The following TBC1D9B variants were observed in gnomAD, a reference collection of about 807,000 sequenced individuals.
TBC1D9B encodes TBC1 domain family member 9B.
In TBC1D9B, 87 loss-of-function variants were observed where a neutral mutation model predicts 121.1. That is an observed-to-expected ratio of 0.72 (90% CI 0.60 to 0.86). The LOEUF (loss-of-function observed/expected upper bound fraction) is 0.86, where lower values mean the gene tolerates loss of function less well. TBC1D9B is among the 40% of genes least tolerant of loss of function. The pLI is 0.00. For synonymous variants in TBC1D9B, 668 were observed against 670.1 expected (o/e 1.00, Z 0.05); for missense variants, 1,540 against 1,628.6 (o/e 0.95, Z 0.94).
At chr5:179,899,451 C>G (rs1761110219) in intron 2 of TBC1D9B, 144 bp from the exon 3 acceptor site, 2 of 694,044 alleles carry the variant, frequency 2.9e-6, no homozygotes, top group Non-Finnish European at 5.0e-6. Flanking sequence ...CCCTCTTAAG[C>G]TGATGGATAT....
chr5:179,889,065 T>C (rs1760781695), intron 6 of TBC1D9B, among the ~76,000 whole-genome samples: 1 of 151,680 alleles, frequency 6.6e-6, no homozygotes, highest in Non-Finnish European at 1.5e-5. Flanking sequence ...GGAGTCTCGC[T>C]GTCGCCCAGG....
chr5:179,889,202 T>C (rs1760786894), intron 6 of TBC1D9B, among the ~76,000 whole-genome samples: 4 of 152,070 alleles, frequency 2.6e-5, no homozygotes, highest in Admixed American at 2.6e-4. Flanking sequence ...GCTAATTTTT[T>C]GTATTTTTAG....
In TBC1D9B at chr5:179,870,649, G is replaced by A. The variant is rs1043980625; in HGVS notation, c.2485-154C>T. ...CCAGACACTGCAGCACCTCCCGAAAGCTCTCAGGCTGTCATCAGCCCCTTG... is the reference window on the plus strand; with the variant it reads ...CCAGACACTGCAGCACCTCCCGAAAACTCTCAGGCTGTCATCAGCCCCTTG... On this transcript the variant is annotated intron_variant, in intron 15 of 20. Transcript: ENST00000355235. 3.1e-5 allele frequency: 37 copies of A among 1,177,374 alleles called. No homozygotes were observed. The East Asian group carries it at 9.3e-4, about 30-fold the overall frequency. The allele number at this position is 1,177,374 out of a possible 1,614,324, so 72.9% of individuals were successfully genotyped here. A position where few individuals can be genotyped will look rare whatever the true frequency, so the allele number is the denominator to read the frequency against.
chr5:179,902,603 C>A lies in TBC1D9B; in HGVS notation c.229+2099G>T, dbSNP rs914614462. Among the ~76,000 whole-genome samples, 2 of 152,178 alleles carry A rather than the reference C, an allele frequency of 1.3e-5. No individual in the cohort carries two copies. Among genetic ancestry groups the A allele is most frequent in the Admixed American group, 1.3e-4 (2 of 15,290 alleles). On this transcript the variant is annotated intron_variant, in intron 2 of 20. Coordinates refer to ENST00000355235, the MANE Select transcript of TBC1D9B (RefSeq NM_015043.4). The surrounding 1 kb of genome is among the most constrained non-coding windows in gnomAD (Gnocchi z 4.9). ...TGCGTGGCTGTGGCTGGGCCCCTCC[C>A]CAGCACCAGGCCTGCTGTGACTAAA...
intron 8 of TBC1D9B, 150 bp from the exon 9 acceptor site, chr5:179,879,347 C>G (rs1760463064): frequency 7.8e-7 from 1 of 1,276,038 alleles, no homozygotes; most frequent in Non-Finnish European, 1.1e-6. Flanking sequence ...CCAGGCCGCG[C>G]TGAGCCACAC....
At chr5:179,868,078 C>T (rs1486349525) in intron 17 of TBC1D9B, 3 of 383,246 alleles carry the variant, frequency 7.8e-6, no homozygotes, top group African/African-American at 2.0e-5. Flanking sequence ...CACTTTATCA[C>T]CCATGCTGCA....
chr5:179,905,910 C>G (rs773299964), intron 1 of TBC1D9B, among the ~76,000 whole-genome samples: 11 of 152,180 alleles, frequency 7.2e-5, no homozygotes, highest in Non-Finnish European at 1.5e-4. Context: ...GAGATAGTCT[C>G]GCTCTGTCGC....
At chr5:179,901,971 A>T (rs960458920) in intron 2 of TBC1D9B, among the ~76,000 whole-genome samples, 1 of 152,174 alleles carries the variant, frequency 6.6e-6, no homozygotes, top group Non-Finnish European at 1.5e-5. Flanking sequence ...AACACAGTGG[A>T]GACAGGTACC....
rs1761271445 is a variant in TBC1D9B, at chr5:179,904,850, G to C, written c.119-38C>G. The C allele has an allele frequency of 3.4e-6, 5 of 1,487,354 alleles. No homozygotes were observed. Among genetic ancestry groups the C allele is most frequent in the African/African-American group, 1.4e-5 (1 of 70,824 alleles). The allele number at this position is 1,487,354 out of a possible 1,614,324, so 92.1% of individuals were successfully genotyped here. On this transcript the variant is annotated intron_variant, in intron 1 of 20. Transcript: ENST00000355235. This position sits in a 1 kb window ranked among gnomAD's most constrained non-coding sequence, Gnocchi z 4.2. ...CAGAGAGACATAGAGGGTGAGGGGA[G>C]GGCCGGACTGAGGCCCCTGAAGGCT...
intron 2 of TBC1D9B, among the ~76,000 whole-genome samples, chr5:179,903,037 C>A (rs1761205810): frequency 6.6e-6 from 1 of 152,208 alleles, no homozygotes; most frequent in African/African-American, 2.4e-5. Context: ...TTGACCCTTC[C>A]CCTCCTGAAG....
Position 179,862,576 on chromosome 5 carries a change from C to T in TBC1D9B, c.*872G>A, listed in dbSNP as rs572141869. On this transcript the variant is annotated 3_prime_UTR_variant, in exon 21 of 21. Transcript: ENST00000355235. ...GCCCAGCTTGCACCAGCAGGTTCTGCGTCTCCATCTGACCTGGCAGACCTT... is the reference window on the plus strand; with the variant it reads ...GCCCAGCTTGCACCAGCAGGTTCTGTGTCTCCATCTGACCTGGCAGACCTT... The T allele has an allele frequency of 1.3e-4, 60 of 456,558 alleles. No homozygotes were observed. The highest frequency in any genetic ancestry group is 3.3e-4 in the Middle Eastern group (1 of 3,076). The allele number at this position is 456,558 out of a possible 1,614,324, so 28.3% of individuals were successfully genotyped here. A position where few individuals can be genotyped will look rare whatever the true frequency, so the allele number is the denominator to read the frequency against.
intron 1 of TBC1D9B, among the ~76,000 whole-genome samples, 190 bp from the exon 2 acceptor site, chr5:179,905,002 C>T (rs1761275240): frequency 6.6e-6 from 1 of 152,200 alleles, no homozygotes; most frequent in African/African-American, 2.4e-5. Context: ...CAAAAACATC[C>T]CCTTCTACTT....
Position 179,894,458 on chromosome 5 carries a change from C to G in TBC1D9B, c.505G>C (p.Val169Leu), listed in dbSNP as rs141539662. The change falls in exon 4 of 21, where the codon GTG becomes CTG. Residue 169 changes from valine (V) to leucine (L), a missense_variant. Transcript: ENST00000355235. ...YYSCSYWKGR[V>L]PRQGWLYLTV... ...AGGTACAGCCAGCCCTGCCGGGGCA[C>G]GCGGCCCTTCCAGTAGCTGCAGGAG... The G allele has an allele frequency of 2.2e-5, 35 of 1,614,172 alleles. No individual in the cohort carries two copies. The South Asian group carries it at 3.7e-4, about 17-fold the overall frequency.
chr5:179,884,766 T>C (rs1760630377), intron 7 of TBC1D9B, among the ~76,000 whole-genome samples: 1 of 152,052 alleles, frequency 6.6e-6, no homozygotes, highest in Non-Finnish European at 1.5e-5. Flanking sequence ...AAAGGGAAAA[T>C]ACTATATGCT....
Position 179,862,817 on chromosome 5 carries a change from T to C in TBC1D9B, c.*631A>G, listed in dbSNP as rs1759883315. 3.0e-6 allele frequency: 1 copy of C among 338,672 alleles called. No individual in the cohort carries two copies. 21.0% of individuals were successfully genotyped at this position (338,672 alleles called of 1,614,324 possible). On this transcript the variant is annotated 3_prime_UTR_variant, in exon 21 of 21. Transcript: ENST00000355235. ...CAAGTGAAATGAATCCAAGGAAATATATCAGGACCTGAGGGATGTTTTTTT... is the reference window on the plus strand; with the variant it reads ...CAAGTGAAATGAATCCAAGGAAATACATCAGGACCTGAGGGATGTTTTTTT...
rs1760340025 is a variant in TBC1D9B at position 179,875,771 on chromosome 5, C to T, written c.1900+149G>A. On this transcript the variant is annotated intron_variant, in intron 11 of 20. Coordinates refer to ENST00000355235, the MANE Select transcript of TBC1D9B (RefSeq NM_015043.4). This position sits in a 1 kb window ranked among gnomAD's most constrained non-coding sequence, Gnocchi z 4.5. ...GATAGGAATTTAGGCTCTGAGGGGA[C>T]TTTTATAAACCACCGAATGTGTAAT... The T allele has an allele frequency of 1.6e-5, 9 of 573,322 alleles. No homozygotes were observed. In the Admixed American group the frequency reaches 1.9e-4, roughly 12 times the overall value. 35.5% of individuals were successfully genotyped at this position (573,322 alleles called of 1,614,324 possible).
Position 179,871,433 on chromosome 5 carries a change from C to T in TBC1D9B, c.2484+29G>A, listed in dbSNP as rs76584975. ...TGGCAGGAAGCTAGGAAGCTAGGAA[C>T]GGGTCCTGCCCTGGCTCTGAGCTGT... is the stretch of plus-strand genomic sequence containing the variant. On this transcript the variant is annotated intron_variant, in intron 15 of 20. Transcript: ENST00000355235. 4.7e-4 allele frequency: 754 copies of T among 1,607,724 alleles called. 2 individuals are homozygous for T. The African/African-American group carries it at 8.8e-3, about 19-fold the overall frequency.
At position 179,907,780 on chromosome 5, in the gene TBC1D9B, C is replaced by A; in HGVS notation, c.42G>T (p.Leu14=). 1 of 1,230,962 alleles carries A rather than the reference C, an allele frequency of 8.1e-7. No individual in the cohort carries two copies. The highest frequency in any genetic ancestry group is 1.0e-6 in the Non-Finnish European group (1 of 958,434). The allele number at this position is 1,230,962 out of a possible 1,614,324, so 76.3% of individuals were successfully genotyped here. Residue 14 remains leucine (L), a synonymous_variant, in exon 1 of 21, where the codon CTG becomes CTT. Transcript: ENST00000355235. The surrounding 1 kb of genome is among the most constrained non-coding windows in gnomAD (Gnocchi z 5.3). ...AGGGGTTGGCCCGCTCCGTCACCCA[C>A]AGCGCATTGGCCACCAGCACCTCCT... ...SPEEVLVANA[L]WVTERANPFF...
chr5:179,863,087 C>T lies in TBC1D9B; in HGVS notation c.*361G>A. On this transcript the variant is annotated 3_prime_UTR_variant, in exon 21 of 21. Coordinates refer to ENST00000355235, the MANE Select transcript of TBC1D9B (RefSeq NM_015043.4). This position sits in a 1 kb window ranked among gnomAD's most constrained non-coding sequence, Gnocchi z 4.5. ...AGGAAAGCATCCACGGATGGAGGGACTCAGCTGGCCTGGCCGCAGTGTGGA... is the reference window on the plus strand; with the variant it reads ...AGGAAAGCATCCACGGATGGAGGGATTCAGCTGGCCTGGCCGCAGTGTGGA... 3.7e-6 allele frequency: 1 copy of T among 273,256 alleles called. No homozygotes were observed. The highest frequency in any genetic ancestry group is 7.1e-6 in the Non-Finnish European group (1 of 141,486). The allele number at this position is 273,256 out of a possible 1,614,324, so 16.9% of individuals were successfully genotyped here.
Sources: allele counts gnomAD v4.1 joint callset (sites outside exome capture counted in the v4.1 genomes callset), GRCh38; gene constraint gnomAD v4.1.1; non-coding constraint Gnocchi (gnomAD v3.1); transcripts MANE v1.5; gene names NCBI Gene and HGNC (gene_info 2026-07-23, HGNC 2026-07-21).